The following FAM193A variants were observed in gnomAD, a reference collection of about 807,000 sequenced individuals.
FAM193A encodes protein FAM193A.
FAM193A carries 22 observed loss-of-function variants against 126.5 expected under a neutral mutation model. That is an observed-to-expected ratio of 0.17 (90% confidence interval 0.12 to 0.25). The LOEUF is 0.25. Among genes scored for constraint, FAM193A ranks in the 10% least tolerant of loss-of-function variants. The probability of loss-of-function intolerance (pLI) is 1.00; values close to 1 mark genes in which losing one functional copy is unlikely to be tolerated. For synonymous variants in FAM193A, 761 were observed against 646.8 expected, an observed-to-expected ratio of 1.18 and a Z score of -2.68; for missense variants, 1,675 against 1,672.8, an observed-to-expected ratio of 1.00 and a Z score of -0.02.
At chr4:2,639,975 C>T in intron 6 of FAM193A, 116 bp downstream of exon 6, 1 of 1,028,372 alleles carries the variant, frequency 9.7e-7, no homozygotes, top group East Asian at 2.5e-5. Flanking sequence ...GGAAAAATAA[C>T]AGGGCTTAAA....
intron 13 of FAM193A, among the ~76,000 whole-genome samples, chr4:2,688,592 A>G (rs1048486503): frequency 6.6e-6 from 1 of 152,140 alleles, no homozygotes; most frequent in Non-Finnish European, 1.5e-5. Flanking sequence ...CTCCCTTGGA[A>G]CTTTGCAGGC....
At chr4:2,713,697 C>G (rs1269815363) in intron 19 of FAM193A, among the ~76,000 whole-genome samples, 4 of 152,172 alleles carry the variant, frequency 2.6e-5, no homozygotes, top group Non-Finnish European at 5.9e-5. Flanking sequence ...TTCTTAGGTA[C>G]ACAATTTACT....
intron 2 of FAM193A, among the ~76,000 whole-genome samples, chr4:2,621,721 G>C (rs1177521083): frequency 6.6e-6 from 1 of 152,180 alleles, no homozygotes; most frequent in Non-Finnish European, 1.5e-5. Context: ...AGAATGGGTG[G>C]ATTGTGGAGG....
chr4:2,666,870 A>G (rs1713179826), intron 12 of FAM193A, among the ~76,000 whole-genome samples: 1 of 152,212 alleles, frequency 6.6e-6, no homozygotes, highest in African/African-American at 2.4e-5. Flanking sequence ...GGGTAATTTT[A>G]TCTTCCTTTT....
intron 2 of FAM193A, among the ~76,000 whole-genome samples, chr4:2,619,405 C>T (rs535455896): frequency 5.9e-5 from 9 of 151,286 alleles, no homozygotes; most frequent in South Asian, 4.2e-4. Context: ...TGGGTTCAAA[C>T]GATTCTCCTG....
At chr4:2,658,329 G>C (rs574397285) in intron 8 of FAM193A, among the ~76,000 whole-genome samples, 43 of 152,256 alleles carry the variant, frequency 2.8e-4, no homozygotes, top group Non-Finnish European at 5.4e-4. Flanking sequence ...CAGGTGCCAT[G>C]CCTTCAACAT....
Position 2,694,951 on chromosome 4 carries a change from C to A in FAM193A, c.3098C>A (p.Pro1033His). 6.3e-7 allele frequency: 1 copy of A among 1,597,044 alleles called. No individual in the cohort carries two copies. The highest frequency in any genetic ancestry group is 1.1e-5 in the South Asian group (1 of 87,816). The change falls in exon 17 of 21, where the codon CCT becomes CAT. Residue 1033 changes from proline (P) to histidine (H), a missense_variant. Transcript: ENST00000637812. ...GCTTGTATGCGGTTTTGCAGTGACC[C>A]TGACTGCGAAGGGCACCGCTGCGAG... ...ISAPPSVCSD[P>H]DCEGHRCENG...
chr4:2,672,478 C>T, intron 13 of FAM193A, 106 bp downstream of exon 13: 2 of 1,240,746 alleles, frequency 1.6e-6, no homozygotes, highest in South Asian at 1.4e-5. Flanking sequence ...CATAGGATAG[C>T]ATCTGCTCTG....
intron 1 of FAM193A, among the ~76,000 whole-genome samples, chr4:2,590,476 CAAA>C (rs754091956): frequency 1.5e-4 from 6 of 40,502 alleles, no homozygotes; most frequent in Admixed American, 5.3e-4. Flanking sequence ...AAAAAAAAAA[CAAA>C]AAAAAACAAA....
upstream of FAM193A, among the ~76,000 whole-genome samples, chr4:2,536,468 C>A (rs1026348758): frequency 7.9e-5 from 12 of 151,438 alleles, no homozygotes; most frequent in Admixed American, 7.2e-4. Context: ...ACGGGCAGCA[C>A]GGACTTCAGT....
chr4:2,638,756 A>C (rs529088724), intron 5 of FAM193A, among the ~76,000 whole-genome samples: 2 of 152,162 alleles, frequency 1.3e-5, no homozygotes, highest in African/African-American at 2.4e-5. Context: ...CTCAGCCCCC[A>C]TACCAACTAG....
At chr4:2,667,445 A>T (rs1222252287) in intron 12 of FAM193A, among the ~76,000 whole-genome samples, 1 of 152,048 alleles carries the variant, frequency 6.6e-6, no homozygotes, top group African/African-American at 2.4e-5. Context: ...TAACTGTTGG[A>T]TTATTTCCTT....
chr4:2,661,295 C>T (rs1332750394), intron 10 of FAM193A, among the ~76,000 whole-genome samples: 1 of 152,178 alleles, frequency 6.6e-6, no homozygotes, highest in East Asian at 1.9e-4. Context: ...TTTGTATTGT[C>T]TCTTTCTTGG....
At chr4:2,639,929 T>G in intron 6 of FAM193A, 70 bp downstream of exon 6, 1 of 1,462,948 alleles carries the variant, frequency 6.8e-7, no homozygotes, top group Non-Finnish European at 9.4e-7. Context: ...CTGGTGTGCG[T>G]GTACCCGAGT....
chr4:2,600,888 T>A (rs1741158577), intron 2 of FAM193A, among the ~76,000 whole-genome samples: 1 of 152,240 alleles, frequency 6.6e-6, no homozygotes, highest in South Asian at 2.1e-4. Flanking sequence ...CTAGGTAGAT[T>A]TTAAAGTTGT....
chr4:2,690,829 A>C lies in FAM193A; in HGVS notation c.2662A>C (p.Asn888His). Residue 888 changes from asparagine (N) to histidine (H), a missense_variant, in exon 15 of 21, where the codon AAT becomes CAT. Asn to His is a moderately conservative substitution (Grantham distance 68). Around this residue, in one of 4 missense-constraint regions of FAM193A, gnomAD observed 1,186 missense variants for 1,109.2 expected, o/e 1.07. Transcript: ENST00000637812. ...TGCTGCAAAAAAGAAATGTTTATAC[A>C]ATTTCCAAGATGCTTTCATGGAAGC... The part of the protein sequence containing the change: ...KNAAKKKCLY[N>H]FQDAFMEANK... 1 of 1,614,242 alleles carries C rather than the reference A, an allele frequency of 6.2e-7. No individual in the cohort carries two copies. Among genetic ancestry groups the C allele is most frequent in the Non-Finnish European group, 8.5e-7 (1 of 1,180,046 alleles).
chr4:2,700,541 A>T lies in FAM193A; in HGVS notation c.4369A>T (p.Ile1457Phe). The change falls in exon 19 of 21, where the codon ATT (isoleucine) becomes TTT (phenylalanine). Residue 1457 changes from isoleucine (I) to phenylalanine (F), a missense_variant. Physicochemically the swap from Ile to Phe is conservative, Grantham distance 21. Around this residue, in one of 4 missense-constraint regions of FAM193A, gnomAD observed 415 missense variants for 396.7 expected, o/e 1.05. Transcript: ENST00000637812. ...GAAAGGAGACAGAGTCAACAATTCA[A>T]TTGGTAAATACAGAATAGCGGGAAG... ...KKKGDRVNNSIDDVFLPKDID... is the reference protein window; with the variant it reads ...KKKGDRVNNSFDDVFLPKDID... The T allele has an allele frequency of 1.2e-6, 2 of 1,610,764 alleles. No homozygotes were observed. The highest frequency in any genetic ancestry group is 1.7e-6 in the Non-Finnish European group (2 of 1,178,962).
intron 19 of FAM193A, among the ~76,000 whole-genome samples, chr4:2,707,756 A>C (rs1174955914): frequency 2.2e-5 from 3 of 138,762 alleles, no homozygotes; most frequent in Non-Finnish European, 4.5e-5. Flanking sequence ...TCCATCACCC[A>C]GGCTGGAGTG....
At chr4:2,684,790 G>A (rs986837577) in intron 13 of FAM193A, among the ~76,000 whole-genome samples, 2 of 152,124 alleles carry the variant, frequency 1.3e-5, no homozygotes, top group African/African-American at 2.4e-5. Context: ...TTCATCCTTT[G>A]CCTTTGTCGA....
Sources: gnomAD v4.1 joint callset for allele counts (sites outside exome capture counted in the v4.1 genomes callset) on GRCh38, gnomAD v4.1.1 for gene constraint, gnomAD v4.1.1 regional missense constraint, MANE v1.5 for transcripts, NCBI Gene and HGNC (gene_info 2026-07-23, HGNC 2026-07-21) for gene names.